The following DKK2 variants were observed in gnomAD, a reference collection of about 807,000 sequenced individuals.
DKK2 encodes dickkopf-related protein 2.
DKK2 carries 11 observed loss-of-function variants against 28.1 expected under a neutral mutation model. The observed-to-expected ratio is 0.39, with a 90% CI of 0.25 to 0.65. DKK2 has a LOEUF of 0.65. Among genes scored for constraint, DKK2 ranks in the 30% least tolerant of loss-of-function variants. DKK2 has a pLI of 0.47. For missense variants in DKK2, 326 were observed against 335.5 expected (o/e 0.97, Z 0.22); for synonymous variants, 135 against 126.5 (o/e 1.07, Z -0.45).
At chr4:106,974,537 CTATT>C (rs749207336) in intron 1 of DKK2, among the ~76,000 whole-genome samples, 4 of 152,088 alleles carry the variant, frequency 2.6e-5, no homozygotes, top group Non-Finnish European at 4.4e-5. Context: ...ATTTGGCTCT[CTATT>C]TGTTTGTTAT....
At chr4:106,944,449 C>T (rs1724749119) in intron 1 of DKK2, among the ~76,000 whole-genome samples, 1 of 152,060 alleles carries the variant, frequency 6.6e-6, no homozygotes, top group African/African-American at 2.4e-5. Context: ...TCATTATGCC[C>T]ATGCTTATTA....
chr4:106,998,914 C>T (rs1003748109), intron 1 of DKK2, among the ~76,000 whole-genome samples: 8 of 152,142 alleles, frequency 5.3e-5, no homozygotes, highest in Non-Finnish European at 8.8e-5. Context: ...TCACTGAATA[C>T]TATGCGATAA....
chr4:107,026,245 C>T (rs1425142081), intron 1 of DKK2, among the ~76,000 whole-genome samples: 2 of 152,064 alleles, frequency 1.3e-5, no homozygotes, highest in African/African-American at 4.8e-5. Context: ...AATCCTCTTA[C>T]TTGGTTATTA....
intron 1 of DKK2, among the ~76,000 whole-genome samples, chr4:106,981,069 G>C (rs900974015): frequency 2.6e-5 from 4 of 152,098 alleles, no homozygotes; most frequent in Non-Finnish European, 5.9e-5. Flanking sequence ...TTTTGCCCAC[G>C]TGTCATATAA....
chr4:106,976,789 A>C (rs1722952396), intron 1 of DKK2, among the ~76,000 whole-genome samples: 1 of 152,176 alleles, frequency 6.6e-6, no homozygotes, highest in African/African-American at 2.4e-5. Flanking sequence ...TGATGACGCT[A>C]ACTGGTTATT....
At chr4:106,964,975 A>AGATAGAT (rs1491244385) in intron 1 of DKK2, among the ~76,000 whole-genome samples, 1 of 145,176 alleles carries the variant, frequency 6.9e-6, no homozygotes, top group East Asian at 2.0e-4. Flanking sequence ...ATAGATAGAT[A>AGATAGAT]GATAGATAGA....
At chr4:106,935,560 G>A (rs1336111643) in intron 1 of DKK2, among the ~76,000 whole-genome samples, 1 of 152,218 alleles carries the variant, frequency 6.6e-6, no homozygotes, top group Non-Finnish European at 1.5e-5. Flanking sequence ...CCATTGCCCA[G>A]GCTTGCTTAG....
intron 1 of DKK2, among the ~76,000 whole-genome samples, chr4:106,968,168 T>G (rs985108068): frequency 1.3e-5 from 2 of 148,930 alleles, no homozygotes; most frequent in African/African-American, 5.0e-5. Flanking sequence ...ATGGAAGGAA[T>G]GAATGCAGGA....
At chr4:106,981,315 A>G (rs1310186155) in intron 1 of DKK2, among the ~76,000 whole-genome samples, 1 of 152,190 alleles carries the variant, frequency 6.6e-6, no homozygotes, top group Non-Finnish European at 1.5e-5. Context: ...GGGAAAATAA[A>G]GATTTTTCTT....
At chr4:106,964,059 G>A (rs1376302881) in intron 1 of DKK2, among the ~76,000 whole-genome samples, 1 of 151,984 alleles carries the variant, frequency 6.6e-6, no homozygotes, top group African/African-American at 2.4e-5. Flanking sequence ...ATGCTTTTTG[G>A]TTACTATAGC....
intron 1 of DKK2, among the ~76,000 whole-genome samples, chr4:106,980,927 T>G (rs1723017612): frequency 6.6e-6 from 1 of 152,180 alleles, no homozygotes; most frequent in Non-Finnish European, 1.5e-5. Context: ...ACAAACATGG[T>G]CTCACTTTGT....
rs138408949 is a variant in DKK2, at chr4:106,994,622, G to A, written c.222+40748C>T. Among the ~76,000 whole-genome samples the A allele has an allele frequency of 1.7e-4, 26 of 152,180 alleles. No homozygotes were observed. In the East Asian group the frequency reaches 3.9e-3, roughly 23 times the overall value. On this transcript the variant is annotated intron_variant, in intron 1 of 3. Transcript: ENST00000285311. ...TTCTATAGAAGAAAAAATAACTGGG[G>A]GAGTAGAGACCAATTCTCTTTTTCT...
At chr4:106,959,696 A>G (rs1722657522) in intron 1 of DKK2, among the ~76,000 whole-genome samples, 1 of 152,164 alleles carries the variant, frequency 6.6e-6, no homozygotes, top group Non-Finnish European at 1.5e-5. Context: ...GATATTGAAA[A>G]AAATTATAAT....
intron 1 of DKK2, among the ~76,000 whole-genome samples, chr4:106,938,263 G>A (rs1464975982): frequency 1.3e-5 from 2 of 151,748 alleles, no homozygotes; most frequent in African/African-American, 2.4e-5. Context: ...TCAAATAGAT[G>A]CAATAAAAAA....
intron 1 of DKK2, among the ~76,000 whole-genome samples, chr4:107,024,358 C>G (rs987800866): frequency 6.6e-6 from 1 of 151,948 alleles, no homozygotes; most frequent in Non-Finnish European, 1.5e-5. Flanking sequence ...AGCCTGCCTG[C>G]AAGAACAAAA....
At chr4:106,957,001 C>G (rs1043666805) in intron 1 of DKK2, among the ~76,000 whole-genome samples, 1 of 151,874 alleles carries the variant, frequency 6.6e-6, no homozygotes, top group Non-Finnish European at 1.5e-5. Context: ...CCAACCTACT[C>G]ACCTGACAAA....
At chr4:106,995,211 T>A (rs1009423258) in intron 1 of DKK2, among the ~76,000 whole-genome samples, 10 of 152,186 alleles carry the variant, frequency 6.6e-5, no homozygotes, top group Admixed American at 3.9e-4. Flanking sequence ...AATTTGAATC[T>A]ATAGAATTTT....
intron 1 of DKK2, among the ~76,000 whole-genome samples, chr4:106,937,658 A>C: frequency 6.7e-6 from 1 of 150,302 alleles, no homozygotes; most frequent in Non-Finnish European, 1.5e-5. Context: ...AATCAACAGA[A>C]TATACATTTT....
chr4:107,003,710 G>A (rs1226700754), intron 1 of DKK2, among the ~76,000 whole-genome samples: 1 of 152,198 alleles, frequency 6.6e-6, no homozygotes, highest in African/African-American at 2.4e-5. Context: ...TACCACGGCA[G>A]CAACATATCA....
Sources: allele counts gnomAD v4.1 joint callset (sites outside exome capture counted in the v4.1 genomes callset), GRCh38; gene constraint gnomAD v4.1.1; transcripts MANE v1.5; gene names NCBI Gene and HGNC (gene_info 2026-07-23, HGNC 2026-07-21).